The following ZNF407 variants were observed in gnomAD, a reference collection of about 807,000 sequenced individuals.
The protein encoded by ZNF407 is zinc finger protein 407.
In ZNF407, 17 loss-of-function variants were observed where a neutral mutation model predicts 131.2. The ratio of observed to expected loss-of-function variants is 0.13; its 90% confidence interval spans 0.09 to 0.19. The LOEUF is 0.19. Among genes scored for constraint, ZNF407 ranks in the 10% least tolerant of loss-of-function variants. The probability of loss-of-function intolerance (pLI) is 1.00; values close to 1 mark genes in which losing one functional copy is unlikely to be tolerated. For synonymous variants in ZNF407, 1,156 were observed against 1,062.0 expected, an observed-to-expected ratio of 1.09 and a Z score of -1.72; for missense variants, 2,681 against 2,830.6, an observed-to-expected ratio of 0.95 and a Z score of 1.20.
chr18:74,852,187 ACACACACACACG>A (rs754146176), intron 4 of ZNF407, among the ~76,000 whole-genome samples: 6,336 of 124,366 alleles, frequency 0.051, 296 homozygotes, highest in East Asian at 0.25. Flanking sequence ...ACACACACAC[ACACACACACACG>A]CACGCACGCA....
At chr18:75,059,130 A>C (rs1973595780) in intron 8 of ZNF407, among the ~76,000 whole-genome samples, 1 of 152,208 alleles carries the variant, frequency 6.6e-6, no homozygotes, top group Admixed American at 6.5e-5. Context: ...TTACCCATTT[A>C]GTTTACATTA....
At chr18:74,764,675 C>T (rs538057773) in intron 3 of ZNF407, among the ~76,000 whole-genome samples, 1 of 152,250 alleles carries the variant, frequency 6.6e-6, no homozygotes, top group South Asian at 2.1e-4. Flanking sequence ...GCAGTTGCCC[C>T]TTGAACAATG....
At chr18:74,792,201 C>A (rs1704161123) in intron 4 of ZNF407, among the ~76,000 whole-genome samples, 1 of 151,814 alleles carries the variant, frequency 6.6e-6, no homozygotes, top group Admixed American at 6.6e-5. Context: ...TTTAAAAAAA[C>A]ATTCAAGAGC....
rs1984109876 is a variant in ZNF407, at chr18:74,631,835, G to A, written c.816G>A (p.Gln272=). The change falls in exon 2 of 9, where the codon CAG becomes CAA. Residue 272 remains glutamine, a synonymous_variant. Transcript: ENST00000299687. ...HYLGKTHLRR[Q]NLAARGGFVQ... ...TTGGCAAAACACATCTCCGTCGTCA[G>A]AATCTGGCTGCTCGTGGAGGATTTG... 1 of 1,613,930 alleles carries A rather than the reference G, an allele frequency of 6.2e-7. No homozygotes were observed. The highest frequency in any genetic ancestry group is 1.1e-5 in the South Asian group (1 of 91,090).
At chr18:74,763,190 TAGGACC>T (rs1369834010) in intron 3 of ZNF407, among the ~76,000 whole-genome samples, 13 of 102,534 alleles carry the variant, frequency 1.3e-4, no homozygotes, top group African/African-American at 4.1e-4. Flanking sequence ...AGCATCTTCT[TAGGACC>T]TTTTTTTTTT....
At chr18:74,783,521 A>G (rs570590725) in intron 4 of ZNF407, among the ~76,000 whole-genome samples, 21 of 151,734 alleles carry the variant, frequency 1.4e-4, no homozygotes, top group Non-Finnish European at 2.4e-4. Flanking sequence ...AATCCTCTAT[A>G]TATTACGAAT....
intron 4 of ZNF407, among the ~76,000 whole-genome samples, chr18:74,793,584 T>C (rs1231750408): frequency 6.6e-6 from 1 of 152,250 alleles, no homozygotes; most frequent in Non-Finnish European, 1.5e-5. Flanking sequence ...ATGTAAAGTG[T>C]GACTTTCAGC....
chr18:74,835,629 G>GGGGTGT lies in ZNF407; in HGVS notation c.4878-41567_4878-41566insGGTGTG, dbSNP rs1269272236. On this transcript the variant is annotated intron_variant, in intron 4 of 8. Transcript: ENST00000299687. ...TGAGTTTGTGTCTTGGACAGAGGGG[G>GGGGTGT]GTGTGTGTGTGTGTGTGTGTGTGTG... 8.7e-5 allele frequency among the ~76,000 whole-genome samples: 8 copies of GGGGTGT among 92,200 alleles called. No homozygotes were observed. In the South Asian group the frequency reaches 1.2e-3, roughly 14 times the overall value. The allele number at this position is 92,200 out of a possible 152,430, so 60.5% of individuals were successfully genotyped here.
At chr18:74,911,932 A>G (rs982242011) in intron 7 of ZNF407, among the ~76,000 whole-genome samples, 4 of 152,162 alleles carry the variant, frequency 2.6e-5, no homozygotes, top group Non-Finnish European at 5.9e-5. Flanking sequence ...GGTGGGTTGT[A>G]GGAGCTTTCT....
At chr18:74,773,067 A>G (rs1286544746) in intron 3 of ZNF407, among the ~76,000 whole-genome samples, 1 of 152,188 alleles carries the variant, frequency 6.6e-6, no homozygotes, top group Non-Finnish European at 1.5e-5. Context: ...ACAAGAAAAA[A>G]TATCCTGGAA....
At chr18:74,966,016 T>A (rs916627856) in intron 8 of ZNF407, among the ~76,000 whole-genome samples, 1 of 152,232 alleles carries the variant, frequency 6.6e-6, no homozygotes, top group Non-Finnish European at 1.5e-5. Flanking sequence ...ATTATTAGAT[T>A]TTTTTCCTTA....
chr18:74,832,262 A>G (rs547174538), intron 4 of ZNF407, among the ~76,000 whole-genome samples: 1 of 152,280 alleles, frequency 6.6e-6, no homozygotes, highest in Non-Finnish European at 1.5e-5. Context: ...TTCTGATTAT[A>G]GTACTCATGT....
At chr18:74,996,409 A>G (rs1057199615) in intron 8 of ZNF407, among the ~76,000 whole-genome samples, 1 of 152,244 alleles carries the variant, frequency 6.6e-6, no homozygotes, top group African/African-American at 2.4e-5. Context: ...GTCTTAGGAC[A>G]TATTTTAACT....
chr18:74,820,943 G>A (rs1403440039), intron 4 of ZNF407, among the ~76,000 whole-genome samples: 1 of 152,084 alleles, frequency 6.6e-6, no homozygotes, highest in Admixed American at 6.5e-5. Context: ...TGGCTGAGGG[G>A]CACATGGTAG....
At chr18:74,616,019 A>G (rs970227279) in intron 1 of ZNF407, among the ~76,000 whole-genome samples, 186 of 152,290 alleles carry the variant, frequency 1.2e-3, no homozygotes, top group African/African-American at 4.3e-3. Context: ...ATGAGCCACC[A>G]AGCCCAGCCC....
intron 8 of ZNF407, among the ~76,000 whole-genome samples, chr18:74,989,212 A>G (rs943290839): frequency 6.6e-6 from 1 of 152,220 alleles, no homozygotes; most frequent in African/African-American, 2.4e-5. Context: ...CCAAGCAAAT[A>G]CTACTCTACG....
chr18:74,687,738 T>A (rs1377783237), intron 3 of ZNF407, among the ~76,000 whole-genome samples: 1 of 152,214 alleles, frequency 6.6e-6, no homozygotes, highest in Non-Finnish European at 1.5e-5. Flanking sequence ...ACTCATTTAT[T>A]ACAAAGTCAA....
Position 74,632,118 on chromosome 18 carries a change from A to G in ZNF407, c.1099A>G (p.Thr367Ala). Residue 367 changes from threonine (T) to alanine (A), a missense_variant, in exon 2 of 9, where the codon ACT becomes GCT. Coordinates refer to ENST00000299687, the MANE Select transcript of ZNF407 (RefSeq NM_017757.3). ...AGTAGAGATTGTTGAAGAACATGTT[A>G]CTTCCCTTGGTCTAGCTCAGAATCC... ...QEVEIVEEHV[T>A]SLGLAQNPEN... 1 of 1,614,020 alleles carries G rather than the reference A, an allele frequency of 6.2e-7. No individual in the cohort carries two copies. The highest frequency in any genetic ancestry group is 8.5e-7 in the Non-Finnish European group (1 of 1,179,896).
chr18:75,029,931 G>A (rs1019044375), intron 8 of ZNF407, among the ~76,000 whole-genome samples: 1 of 152,192 alleles, frequency 6.6e-6, no homozygotes, highest in South Asian at 2.1e-4. Flanking sequence ...TATGAAGAAC[G>A]TGTGTGATGA....
Sources: allele counts gnomAD v4.1 joint callset (sites outside exome capture counted in the v4.1 genomes callset), GRCh38; gene constraint gnomAD v4.1.1; transcripts MANE v1.5; gene names NCBI Gene and HGNC (gene_info 2026-07-23, HGNC 2026-07-21).